MIPOL1: variants seen among roughly 807,000 people sequenced by gnomAD.
The protein encoded by MIPOL1 is mirror-image polydactyly gene 1 protein.
MIPOL1 carries 57 observed loss-of-function variants against 60.9 expected under a neutral mutation model. That is an observed-to-expected ratio of 0.94 (90% CI 0.76 to 1.17). The LOEUF (loss-of-function observed/expected upper bound fraction) is 1.17, where lower values mean the gene tolerates loss of function less well. Ranked by LOEUF, MIPOL1 falls within the 50% of genes most tolerant of loss-of-function variation. MIPOL1 has a pLI of 0.00. For missense variants in MIPOL1, 551 were observed against 511.6 expected (o/e 1.08, Z -0.74); for synonymous variants, 179 against 168.8 (o/e 1.06, Z -0.47).
rs1412570997 is a variant in MIPOL1, at chr14:37,550,204, A to G, written c.*3233A>G. ...TCTTCTTATCAGGTTGCTTATTTAT[A>G]TAATTTGTTTATTTTATTAAAAATC... is the stretch of plus-strand genomic sequence containing the variant. On this transcript the variant is annotated 3_prime_UTR_variant, in exon 13 of 13. Transcript: ENST00000684589. The G allele has an allele frequency of 2.0e-5, 3 of 151,058 alleles. No homozygotes were observed. Among genetic ancestry groups the G allele is most frequent in the East Asian group, 3.9e-4 (2 of 5,188 alleles). The allele number at this position is 151,058 out of a possible 1,614,324, so 9.4% of individuals were successfully genotyped here.
rs1303148781 is a variant in MIPOL1, at chr14:37,471,886, CAT to C, written c.1032-28021_1032-28020del. Among the ~76,000 whole-genome samples, 8 of 152,224 alleles carry C rather than the reference CAT, an allele frequency of 5.3e-5. 1 individual carries two copies. The East Asian group carries it at 5.8e-4, about 11-fold the overall frequency. On this transcript the variant is annotated intron_variant, in intron 11 of 12. Transcript: ENST00000684589. The stretch of plus-strand genomic sequence containing the variant: ...TTGTAGCATTTATAATAATTTGAAA[CAT>C]GTGTTTAGTCAGTACTCATCTCTAG...
intron 11 of MIPOL1, among the ~76,000 whole-genome samples, chr14:37,437,843 CATT>C (rs1379043223): frequency 2.0e-5 from 3 of 152,114 alleles, no homozygotes; most frequent in Non-Finnish European, 2.9e-5. Context: ...GAAGGTAACC[CATT>C]ATTATTATAA....
rs68123796 is a variant in MIPOL1, at chr14:37,426,570, C to CAT, written c.1031+3645_1031+3646dup. Among the ~76,000 whole-genome samples, 547 of 85,512 alleles carry CAT rather than the reference C, an allele frequency of 6.4e-3. 20 individuals carry two copies. The highest frequency in any genetic ancestry group is 0.023 in the African/African-American group (497 of 21,892). 56.1% of individuals were successfully genotyped at this position (85,512 alleles called of 152,430 possible). On this transcript the variant is annotated intron_variant, in intron 11 of 12. Transcript: ENST00000684589. ...GAGTGAAACTCTGTCTCAAAATATACATATATATATATATATATATATATA... is the reference window on the plus strand; with the variant it reads ...GAGTGAAACTCTGTCTCAAAATATACATATATATATATATATATATATATATA...
At chr14:37,313,784 G>T (rs757273029) in intron 9 of MIPOL1, among the ~76,000 whole-genome samples, 8 of 152,090 alleles carry the variant, frequency 5.3e-5, no homozygotes, top group Non-Finnish European at 1.2e-4. Context: ...ATATTGCCAG[G>T]CTTGATTATA....
intron 11 of MIPOL1, among the ~76,000 whole-genome samples, chr14:37,445,614 A>T (rs2094321646): frequency 1.3e-5 from 2 of 151,936 alleles, no homozygotes; most frequent in South Asian, 2.1e-4. Flanking sequence ...CGCATCGCCA[A>T]GTCAATCCTA....
chr14:37,527,969 A>G (rs547049858), intron 12 of MIPOL1, among the ~76,000 whole-genome samples: 1 of 151,308 alleles, frequency 6.6e-6, no homozygotes, highest in Admixed American at 6.6e-5. Context: ...GAATAGGATG[A>G]AAAAAAAAGA....
chr14:37,293,644 G>A (rs1208836377), intron 7 of MIPOL1, among the ~76,000 whole-genome samples: 1 of 152,142 alleles, frequency 6.6e-6, no homozygotes, highest in African/African-American at 2.4e-5. Flanking sequence ...TTATCAAACG[G>A]CACACCAGGA....
At chr14:37,487,530 A>C (rs1372813354) in intron 11 of MIPOL1, among the ~76,000 whole-genome samples, 5 of 152,176 alleles carry the variant, frequency 3.3e-5, no homozygotes, top group African/African-American at 9.6e-5. Flanking sequence ...TTATTGGTCT[A>C]TTCAGGGATT....
chr14:37,371,694 AT>A (rs1198653882), intron 10 of MIPOL1, among the ~76,000 whole-genome samples: 1 of 152,142 alleles, frequency 6.6e-6, no homozygotes, highest in Non-Finnish European at 1.5e-5. Flanking sequence ...TATTAATTTT[AT>A]GCCATATTTC....
chr14:37,512,175 A>ACG (rs936123824), intron 12 of MIPOL1, among the ~76,000 whole-genome samples: 14 of 151,880 alleles, frequency 9.2e-5, no homozygotes, highest in African/African-American at 3.1e-4. Flanking sequence ...ACACACACAC[A>ACG]CACACACAGC....
At chr14:37,248,975 AGGATGGATGGAT>A (rs3061903) in intron 3 of MIPOL1, among the ~76,000 whole-genome samples, 28 of 149,408 alleles carry the variant, frequency 1.9e-4, no homozygotes, top group South Asian at 1.1e-3. Context: ...AACAAATGGA[AGGATGGATGGAT>A]GGATGGATGG....
chr14:37,322,046 GTATT>G (rs1359200740), intron 9 of MIPOL1, among the ~76,000 whole-genome samples: 2 of 151,724 alleles, frequency 1.3e-5, no homozygotes, highest in Non-Finnish European at 2.9e-5. Context: ...CATTATCTAG[GTATT>G]TATTAGGCAT....
downstream of MIPOL1, chr14:37,551,416 A>G (rs2095561393): frequency 6.6e-6 from 1 of 152,144 alleles, no homozygotes. Flanking sequence ...AACAAATTTA[A>G]TAAAGATAAA....
At chr14:37,289,635 C>A (rs1367954983) in intron 7 of MIPOL1, among the ~76,000 whole-genome samples, 1 of 152,164 alleles carries the variant, frequency 6.6e-6, no homozygotes, top group Non-Finnish European at 1.5e-5. Flanking sequence ...GGGTACACCA[C>A]CCTCCAGGAA....
chr14:37,426,030 A>G (rs2093954587), intron 11 of MIPOL1, among the ~76,000 whole-genome samples: 1 of 152,060 alleles, frequency 6.6e-6, no homozygotes, highest in Non-Finnish European at 1.5e-5. Flanking sequence ...AAGAGAGGAA[A>G]CGTAGGTTAA....
chr14:37,288,988 T>TA (rs1444954171), intron 7 of MIPOL1, among the ~76,000 whole-genome samples: 1 of 152,192 alleles, frequency 6.6e-6, no homozygotes, highest in Non-Finnish European at 1.5e-5. Flanking sequence ...AATTTCACAT[T>TA]AAAAAATCTG....
At chr14:37,241,790 G>A (rs1488737830) in intron 1 of MIPOL1, among the ~76,000 whole-genome samples, 4 of 152,000 alleles carry the variant, frequency 2.6e-5, no homozygotes, top group African/African-American at 9.7e-5. Flanking sequence ...CCTGAATTCT[G>A]AGACAATTGT....
chr14:37,447,142 C>T (rs2153571467), intron 11 of MIPOL1, among the ~76,000 whole-genome samples: 1 of 151,934 alleles, frequency 6.6e-6, no homozygotes, highest in East Asian at 1.9e-4. Context: ...TTATCTTCAA[C>T]AATGAAGACA....
chr14:37,509,825 T>G (rs1289040083), intron 12 of MIPOL1, among the ~76,000 whole-genome samples: 1 of 151,618 alleles, frequency 6.6e-6, no homozygotes, highest in Non-Finnish European at 1.5e-5. Context: ...TATATATGTA[T>G]GTGTATATAC....
Sources: gnomAD v4.1 joint callset for allele counts (sites outside exome capture counted in the v4.1 genomes callset) on GRCh38, gnomAD v4.1.1 for gene constraint, MANE v1.5 for transcripts, NCBI Gene and HGNC (gene_info 2026-07-23, HGNC 2026-07-21) for gene names.